The following GSK3B variants were observed in gnomAD, a reference collection of about 807,000 sequenced individuals.
GSK3B encodes the protein glycogen synthase kinase 3 beta.
Under a neutral mutation model 56.4 loss-of-function variants are expected in GSK3B, and 15 were observed. The observed-to-expected ratio is 0.27, with a 90% CI of 0.18 to 0.41. The LOEUF (loss-of-function observed/expected upper bound fraction) is 0.41, where lower values mean the gene tolerates loss of function less well. GSK3B is among the 10% of genes least tolerant of loss of function. GSK3B has a pLI of 1.00. For synonymous variants in GSK3B, 181 were observed against 188.9 expected (o/e 0.96, Z 0.34); for missense variants, 300 against 513.4 (o/e 0.58, Z 4.02).
At chr3:120,033,819 A>C (rs1000098147) in intron 1 of GSK3B, among the ~76,000 whole-genome samples, 2 of 152,034 alleles carry the variant, frequency 1.3e-5, no homozygotes, top group African/African-American at 2.4e-5. Context: ...CCACCACGGT[A>C]AGATGTGCTT....
chr3:119,945,571 C>A (rs1424253900), intron 3 of GSK3B, among the ~76,000 whole-genome samples: 2 of 152,254 alleles, frequency 1.3e-5, no homozygotes, highest in South Asian at 2.1e-4. Context: ...AGGAGCTTTC[C>A]ACCAAACCAA....
chr3:119,896,559 C>T (rs1364523523), intron 7 of GSK3B, among the ~76,000 whole-genome samples: 1 of 152,040 alleles, frequency 6.6e-6, no homozygotes, highest in Non-Finnish European at 1.5e-5. Flanking sequence ...ATCAAATAAA[C>T]AATAAAATAT....
chr3:119,882,162 T>G (rs1244120440), intron 7 of GSK3B, among the ~76,000 whole-genome samples: 2 of 152,098 alleles, frequency 1.3e-5, no homozygotes, highest in African/African-American at 4.8e-5. Context: ...CTTGTTTTTT[T>G]TTTTTACTTA....
At chr3:119,923,303 C>T (rs1395819424) in intron 4 of GSK3B, 70 bp downstream of exon 4, 2 of 757,986 alleles carry the variant, frequency 2.6e-6, no homozygotes. Context: ...ATAGTTAAAA[C>T]ATAAAAGAGG....
intron 7 of GSK3B, among the ~76,000 whole-genome samples, chr3:119,891,360 A>C (rs184916136): frequency 6.6e-6 from 1 of 152,086 alleles, no homozygotes; most frequent in South Asian, 2.1e-4. Flanking sequence ...ACTATCTTTA[A>C]CACCACAAAC....
At chr3:119,875,370 C>T (rs562845201) in intron 8 of GSK3B, among the ~76,000 whole-genome samples, 4 of 151,928 alleles carry the variant, frequency 2.6e-5, no homozygotes, top group African/African-American at 4.8e-5. Flanking sequence ...GACTTCACCT[C>T]GAATTATAAA....
At chr3:119,952,886 T>G (rs1198023769) in intron 2 of GSK3B, among the ~76,000 whole-genome samples, 3 of 152,084 alleles carry the variant, frequency 2.0e-5, no homozygotes, top group African/African-American at 7.2e-5. Flanking sequence ...CACCACATGT[T>G]AACTGGAATT....
At chr3:120,003,866 G>A (rs1052314119) in intron 1 of GSK3B, among the ~76,000 whole-genome samples, 1 of 152,218 alleles carries the variant, frequency 6.6e-6, no homozygotes, top group Non-Finnish European at 1.5e-5. Flanking sequence ...TTCCAACTTA[G>A]GTACCTGGTT....
intron 1 of GSK3B, among the ~76,000 whole-genome samples, chr3:120,009,845 TA>T (rs201007907): frequency 1.3e-5 from 2 of 150,520 alleles, no homozygotes; most frequent in Admixed American, 6.6e-5. Flanking sequence ...TAATAATAAT[TA>T]AAAAAAAAGA....
intron 2 of GSK3B, among the ~76,000 whole-genome samples, chr3:119,964,278 C>T (rs1156722038): frequency 1.3e-5 from 2 of 152,180 alleles, no homozygotes; most frequent in South Asian, 2.1e-4. Flanking sequence ...TCTGGGTAAA[C>T]ATCCAAAAGA....
intron 3 of GSK3B, among the ~76,000 whole-genome samples, chr3:119,937,186 T>C (rs887985058): frequency 2.0e-5 from 3 of 152,094 alleles, no homozygotes; most frequent in African/African-American, 7.3e-5. Flanking sequence ...GTTTGGACTG[T>C]TTGTCCCCCT....
intron 2 of GSK3B, among the ~76,000 whole-genome samples, chr3:119,969,863 T>A (rs1219608727): frequency 1.3e-5 from 2 of 152,226 alleles, no homozygotes; most frequent in Admixed American, 6.5e-5. Flanking sequence ...GAATAATGAA[T>A]GAATTTTAAA....
Position 119,944,966 on chromosome 3 carries a change from C to G in GSK3B, c.366+2302G>C, listed in dbSNP as rs569922511. On this transcript the variant is annotated intron_variant, in intron 3 of 10. Transcript: ENST00000264235. Reference sequence around the variant, plus strand: ...TCTCAGTAACCTATTCCAAGAAAGTCAGAACTGAAAATAACTAACCTGAGC... The same window carrying G: ...TCTCAGTAACCTATTCCAAGAAAGTGAGAACTGAAAATAACTAACCTGAGC... Among the ~76,000 whole-genome samples, 3 of 152,262 alleles carry G rather than the reference C, an allele frequency of 2.0e-5. No homozygotes were observed. The South Asian group carries it at 6.2e-4, about 32-fold the overall frequency.
chr3:120,006,894 G>A (rs1393785252), intron 1 of GSK3B, among the ~76,000 whole-genome samples: 2 of 150,052 alleles, frequency 1.3e-5, no homozygotes, highest in Admixed American at 6.6e-5. Context: ...CCTCGCAGAA[G>A]ACAAGAAATA....
At chr3:120,069,940 C>T (rs1278454741) in intron 1 of GSK3B, among the ~76,000 whole-genome samples, 1 of 152,106 alleles carries the variant, frequency 6.6e-6, no homozygotes, top group Non-Finnish European at 1.5e-5. Flanking sequence ...GAAGGCCAGG[C>T]GCGGTGGCTC....
At chr3:119,940,003 C>T (rs535429347) in intron 3 of GSK3B, among the ~76,000 whole-genome samples, 1 of 151,600 alleles carries the variant, frequency 6.6e-6, no homozygotes, top group Admixed American at 6.6e-5. Context: ...TAGGGAACAC[C>T]AAGAACTAAT....
intron 1 of GSK3B, among the ~76,000 whole-genome samples, chr3:120,035,477 T>C (rs183745750): frequency 1.4e-3 from 209 of 152,348 alleles, no homozygotes; most frequent in Non-Finnish European, 2.0e-3. Flanking sequence ...AGGATCAGTT[T>C]ATCAATTTGT....
At chr3:120,064,235 A>G (rs567088107) in intron 1 of GSK3B, among the ~76,000 whole-genome samples, 1 of 151,910 alleles carries the variant, frequency 6.6e-6, no homozygotes, top group African/African-American at 2.4e-5. Flanking sequence ...TAAACCCTTA[A>G]TCTTGAAACA....
chr3:119,897,274 T>C (rs111808687), intron 7 of GSK3B, among the ~76,000 whole-genome samples: 2 of 152,298 alleles, frequency 1.3e-5, no homozygotes, highest in Admixed American at 6.5e-5. Context: ...TAAGTTACTG[T>C]AGACCAAATA....
Sources: allele counts gnomAD v4.1 joint callset (sites outside exome capture counted in the v4.1 genomes callset), GRCh38; gene constraint gnomAD v4.1.1; transcripts MANE v1.5; gene names NCBI Gene and HGNC (gene_info 2026-07-23, HGNC 2026-07-21).